NTNG2: variants seen among roughly 807,000 people sequenced by gnomAD.
The protein encoded by NTNG2 is netrin-G2.
Under a neutral mutation model 47.6 loss-of-function variants are expected in NTNG2, and 15 were observed. The observed-to-expected ratio is 0.32, with a 90% CI of 0.21 to 0.49. The LOEUF (loss-of-function observed/expected upper bound fraction) is 0.49, where lower values mean the gene tolerates loss of function less well. NTNG2 is among the 20% of genes least tolerant of loss of function. The pLI, the probability that NTNG2 is intolerant of heterozygous loss-of-function variation, is 0.99. For synonymous variants in NTNG2, 307 were observed against 324.6 expected, an observed-to-expected ratio of 0.95 and a Z score of 0.58; for missense variants, 578 against 764.6, an observed-to-expected ratio of 0.76 and a Z score of 2.88.
chr9:132,230,515 T>C lies in NTNG2; in HGVS notation c.1031-57T>C, dbSNP rs368395676. 1.2e-5 allele frequency: 19 copies of C among 1,543,888 alleles called. No homozygotes were observed. In the African/African-American group the frequency reaches 2.3e-4, roughly 19 times the overall value. On this transcript the variant is annotated intron_variant, in intron 4 of 7. Coordinates refer to ENST00000393229, the MANE Select transcript of NTNG2 (RefSeq NM_032536.4). The stretch of plus-strand genomic sequence containing the variant: ...CCCTGCTGGCCCCTCTGCAGGGAGG[T>C]GACACCCAGGCCCCTTCCCCTGGGG...
chr9:132,189,852 T>A (rs928653010), intron 2 of NTNG2, among the ~76,000 whole-genome samples: 3 of 150,920 alleles, frequency 2.0e-5, no homozygotes, highest in Admixed American at 1.3e-4. Flanking sequence ...TTTCACCATG[T>A]TGGCCAGACT....
At chr9:132,209,317 T>G (rs768871605) in intron 3 of NTNG2, among the ~76,000 whole-genome samples, 15 of 152,158 alleles carry the variant, frequency 9.9e-5, no homozygotes, top group Admixed American at 3.9e-4. Context: ...GACCTGTTGG[T>G]TGTGAGCGTT....
At chr9:132,167,269 T>C (rs1032967662) in intron 2 of NTNG2, among the ~76,000 whole-genome samples, 2 of 152,192 alleles carry the variant, frequency 1.3e-5, no homozygotes, top group African/African-American at 4.8e-5. Context: ...CATTGTTCTC[T>C]GGGGTAGGGG....
At chr9:132,216,414 C>CTCTCTCTGTGTGTGTG (rs1554790515) in intron 3 of NTNG2, among the ~76,000 whole-genome samples, 4 of 110,334 alleles carry the variant, frequency 3.6e-5, no homozygotes, top group African/African-American at 1.9e-4. Flanking sequence ...CTCTCTCTCT[C>CTCTCTCTGTGTGTGTG]TGTGTGTGTG....
chr9:132,194,210 G>T (rs1392940606), intron 2 of NTNG2, among the ~76,000 whole-genome samples: 1 of 152,184 alleles, frequency 6.6e-6, no homozygotes, highest in Non-Finnish European at 1.5e-5. Context: ...CTGGGGGAAG[G>T]GGGGCATGTG....
intron 4 of NTNG2, among the ~76,000 whole-genome samples, chr9:132,230,055 G>A (rs1255231461): frequency 2.0e-5 from 3 of 152,224 alleles, no homozygotes; most frequent in African/African-American, 7.2e-5. Context: ...TTGTGAGGAC[G>A]GCACGATTTA....
At chr9:132,240,103 C>T (rs920152993) in intron 6 of NTNG2, among the ~76,000 whole-genome samples, 1 of 152,276 alleles carries the variant, frequency 6.6e-6, no homozygotes, top group Non-Finnish European at 1.5e-5. Flanking sequence ...CAACCCTGCC[C>T]AGCCAGGCCC....
chr9:132,162,014 G>A (rs1315830979), upstream of NTNG2: 1 of 149,372 alleles, frequency 6.7e-6, no homozygotes, highest in Non-Finnish European at 1.5e-5. The surrounding 1 kb of genome is among the most constrained non-coding windows in gnomAD (Gnocchi z 4.6). Context: ...TCTCCGGGAC[G>A]GCTGCGGGCG....
intron 2 of NTNG2, among the ~76,000 whole-genome samples, chr9:132,169,307 C>T (rs1835718564): frequency 6.6e-6 from 1 of 152,304 alleles, no homozygotes; most frequent in East Asian, 1.9e-4. Flanking sequence ...ACGGGGAGGC[C>T]GCCGTGGCAG....
At position 132,187,659 on chromosome 9, in the gene NTNG2, G is replaced by A. The variant is rs1053483616; in HGVS notation, c.214-10307G>A. Among the ~76,000 whole-genome samples the A allele has an allele frequency of 4.6e-5, 7 of 152,216 alleles. No individual in the cohort carries two copies. The South Asian group carries it at 6.2e-4, about 14-fold the overall frequency. On this transcript the variant is annotated intron_variant, in intron 2 of 7. Coordinates refer to ENST00000393229, the MANE Select transcript of NTNG2 (RefSeq NM_032536.4). ...CAGAGAGTTAGAGACCGTCAGGGCC[G>A]CTAGAATTAGAATCAGCTCTGAACA...
chr9:132,239,558 C>T (rs1841851963), intron 6 of NTNG2, among the ~76,000 whole-genome samples: 1 of 152,250 alleles, frequency 6.6e-6, no homozygotes, highest in South Asian at 2.1e-4. Flanking sequence ...CTGACCCTTC[C>T]TGGCTCCAAA....
chr9:132,222,542 G>T (rs1051866162), intron 3 of NTNG2, among the ~76,000 whole-genome samples: 1 of 152,202 alleles, frequency 6.6e-6, no homozygotes, highest in East Asian at 1.9e-4. Flanking sequence ...AGACTTCAGC[G>T]GTGGCTAGTG....
At chr9:132,214,866 C>A (rs1564424830) in intron 3 of NTNG2, among the ~76,000 whole-genome samples, 3 of 86,766 alleles carry the variant, frequency 3.5e-5, no homozygotes, top group Non-Finnish European at 6.1e-5. Flanking sequence ...ATCTAAAATT[C>A]AAAAAAAATT....
intron 2 of NTNG2, among the ~76,000 whole-genome samples, chr9:132,169,024 G>A (rs1835696320): frequency 6.6e-6 from 1 of 152,142 alleles, no homozygotes; most frequent in African/African-American, 2.4e-5. Flanking sequence ...TTCTGGGGAG[G>A]TGGTCACCCC....
At position 132,241,796 on chromosome 9, in the gene NTNG2, C is replaced by T. The variant is rs558617341; in HGVS notation, c.1358-80C>T. The T allele has an allele frequency of 4.5e-3, 5,100 of 1,136,030 alleles. 17 individuals are homozygous for T. Among genetic ancestry groups the T allele is most frequent in the Middle Eastern group, 6.7e-3 (23 of 3,436 alleles). 70.4% of individuals were successfully genotyped at this position (1,136,030 alleles called of 1,614,324 possible). A position where few individuals can be genotyped will look rare whatever the true frequency, so the allele number is the denominator to read the frequency against. On this transcript the variant is annotated intron_variant, in intron 7 of 7. Transcript: ENST00000393229. ...CCCAGACGGCGCCCCCGGGATCTCG[C>T]ACACCCTGCTTCGCAGGAGCTCGGA...
chr9:132,216,418 GTGTGTGTGTA>G (rs1277553573), intron 3 of NTNG2, among the ~76,000 whole-genome samples: 112 of 34,372 alleles, frequency 3.3e-3, no homozygotes, highest in African/African-American at 0.012. Flanking sequence ...CTCTCTCTGT[GTGTGTGTGTA>G]TGTGTGTGTG....
At chr9:132,175,612 ATTTG>A (rs1836377668) in intron 2 of NTNG2, among the ~76,000 whole-genome samples, 1 of 152,160 alleles carries the variant, frequency 6.6e-6, no homozygotes, top group African/African-American at 2.4e-5. Flanking sequence ...GCAGGATCCG[ATTTG>A]TTTTTCATCA....
chr9:132,174,162 A>T (rs1291609682), intron 2 of NTNG2, among the ~76,000 whole-genome samples: 2 of 148,080 alleles, frequency 1.4e-5, no homozygotes, highest in African/African-American at 5.1e-5. Context: ...TGCGGATGAG[A>T]CGGACGGACG....
chr9:132,206,611 G>T (rs773799708), intron 3 of NTNG2, among the ~76,000 whole-genome samples: 6 of 152,238 alleles, frequency 3.9e-5, no homozygotes, highest in Admixed American at 2.0e-4. Context: ...AGGTTGCAGT[G>T]AGCCGAGATC....
Sources: allele counts gnomAD v4.1 joint callset (sites outside exome capture counted in the v4.1 genomes callset), GRCh38; gene constraint gnomAD v4.1.1; non-coding constraint Gnocchi (gnomAD v3.1); transcripts MANE v1.5; gene names NCBI Gene and HGNC (gene_info 2026-07-23, HGNC 2026-07-21).